PHF2: variants seen among roughly 807,000 people sequenced by gnomAD.
PHF2 encodes PHD finger protein 2, also known as lysine-specific demethylase PHF2.
Under a neutral mutation model 120.5 loss-of-function variants are expected in PHF2, and 27 were observed. The ratio of observed to expected loss-of-function variants is 0.22; its 90% CI spans 0.17 to 0.31. The LOEUF (loss-of-function observed/expected upper bound fraction) is 0.31, where lower values mean the gene tolerates loss of function less well. PHF2 is among the 10% of genes least tolerant of loss of function. The pLI is 1.00. For synonymous variants in PHF2, 568 were observed against 592.5 expected, an observed-to-expected ratio of 0.96 and a Z score of 0.60; for missense variants, 1,024 against 1,434.8, an observed-to-expected ratio of 0.71 and a Z score of 4.63.
intron 1 of PHF2, among the ~76,000 whole-genome samples, chr9:93,610,403 A>G (rs1332536518): frequency 1.3e-5 from 2 of 152,124 alleles, no homozygotes; most frequent in African/African-American, 2.4e-5. Context: ...CTTCAGAGGC[A>G]TTCTTCAGTT....
intron 1 of PHF2, among the ~76,000 whole-genome samples, chr9:93,577,145 G>T (rs966958335): frequency 7.4e-5 from 11 of 149,656 alleles, no homozygotes; most frequent in Non-Finnish European, 1.3e-4. Flanking sequence ...TGGGCTCGGG[G>T]CTCGGGGCGC....
chr9:93,603,008 G>A (rs1176360020), intron 1 of PHF2, among the ~76,000 whole-genome samples: 2 of 152,104 alleles, frequency 1.3e-5, no homozygotes, highest in Non-Finnish European at 1.5e-5. Flanking sequence ...TGAGTTGCTT[G>A]GACTGGGAGG....
chr9:93,615,053 C>T (rs376769795), intron 1 of PHF2, among the ~76,000 whole-genome samples: 52 of 122,900 alleles, frequency 4.2e-4, no homozygotes, highest in East Asian at 2.2e-3. Context: ...ATGATGATGG[C>T]GATGATGGTG....
intron 1 of PHF2, among the ~76,000 whole-genome samples, chr9:93,590,126 C>T (rs1458710877): frequency 1.3e-5 from 2 of 152,194 alleles, no homozygotes; most frequent in East Asian, 3.8e-4. Context: ...TTAAAATCGT[C>T]AGATTGGTTG....
At chr9:93,625,577 A>G in intron 1 of PHF2, among the ~76,000 whole-genome samples, 1 of 145,400 alleles carries the variant, frequency 6.9e-6, no homozygotes, top group South Asian at 2.1e-4. Flanking sequence ...TCCTGGGTTC[A>G]AGTGATTCTC....
chr9:93,629,919 C>T, intron 1 of PHF2, 51 bp from the exon 2 acceptor site: 1 of 1,560,950 alleles, frequency 6.4e-7, no homozygotes, highest in Non-Finnish European at 8.8e-7. Flanking sequence ...ATGGAAAGTG[C>T]TTGAGGGGGT....
chr9:93,656,064 G>T lies in PHF2; in HGVS notation c.1040+43G>T. On this transcript the variant is annotated intron_variant, in intron 8 of 21. Coordinates refer to ENST00000359246, the MANE Select transcript of PHF2 (RefSeq NM_005392.4). This position sits in a 1 kb window ranked among gnomAD's most constrained non-coding sequence, Gnocchi z 4.1. ...GTCTGCCCTCGGGCTCCGCAGAGCA[G>T]CGTCCTCCCTCTAGCTGGGTCGGTG... 1 of 1,534,796 alleles carries T rather than the reference G, an allele frequency of 6.5e-7. No homozygotes were observed. Among genetic ancestry groups the T allele is most frequent in the East Asian group, 2.3e-5 (1 of 42,938 alleles).
intron 10 of PHF2, among the ~76,000 whole-genome samples, 195 bp from the exon 11 acceptor site, chr9:93,659,316 G>T (rs542760235): frequency 6.6e-6 from 1 of 152,338 alleles, no homozygotes; most frequent in East Asian, 1.9e-4. Flanking sequence ...TGTCCTCTCT[G>T]GTACTTGGTT....
In PHF2 at chr9:93,678,019, G is replaced by A. The variant is rs1377128379; in HGVS notation, c.*343G>A. On this transcript the variant is annotated 3_prime_UTR_variant, in exon 22 of 22. Coordinates refer to ENST00000359246, the MANE Select transcript of PHF2 (RefSeq NM_005392.4). The stretch of plus-strand genomic sequence containing the variant: ...CTCTGCAGCTCTGCTGAGAGCATGA[G>A]TCCTTCAAGGAAGACAGAGTGAGCC... 4.3e-6 allele frequency: 1 copy of A among 233,712 alleles called. No homozygotes were observed. Among genetic ancestry groups the A allele is most frequent in the Non-Finnish European group, 8.3e-6 (1 of 120,026 alleles). The allele number at this position is 233,712 out of a possible 1,614,324, so 14.5% of individuals were successfully genotyped here. A position where few individuals can be genotyped will look rare whatever the true frequency, so the allele number is the denominator to read the frequency against.
At chr9:93,586,794 C>T (rs995317626) in intron 1 of PHF2, among the ~76,000 whole-genome samples, 2 of 152,204 alleles carry the variant, frequency 1.3e-5, no homozygotes, top group Non-Finnish European at 2.9e-5. Flanking sequence ...CTGTTCTAGG[C>T]ACGGGCAGCA....
rs746590796 is a variant in PHF2 at position 93,653,383 on chromosome 9, G to T, written c.789+18G>T. Reference sequence around the variant, plus strand: ...TGCTCAAGGTGAGCCACGCCCCTCGGGGCACCTCTGCCTTGCCATGGCCAT... The same window carrying T: ...TGCTCAAGGTGAGCCACGCCCCTCGTGGCACCTCTGCCTTGCCATGGCCAT... On this transcript the variant is annotated intron_variant, in intron 6 of 21. Transcript: ENST00000359246. The T allele has an allele frequency of 1.2e-6, 2 of 1,611,084 alleles. No homozygotes were observed. The highest frequency in any genetic ancestry group is 1.7e-6 in the Non-Finnish European group (2 of 1,178,796).
intron 1 of PHF2, among the ~76,000 whole-genome samples, chr9:93,598,916 G>A (rs1270288421): frequency 6.6e-6 from 1 of 152,126 alleles, no homozygotes; most frequent in Non-Finnish European, 1.5e-5. Context: ...ACACCGTTAT[G>A]GGCTTCCCAC....
At chr9:93,671,224 A>T (rs1043078960) in intron 17 of PHF2, 2 of 966,582 alleles carry the variant, frequency 2.1e-6, no homozygotes, top group African/African-American at 1.8e-5. Flanking sequence ...GTGTAGTTGC[A>T]GGTGTGTGGG....
Position 93,663,510 on chromosome 9 carries a change from T to C in PHF2, c.1819-7T>C. ...GGCTCAGGGACGGCCCTGGTCTTGC[T>C]TTTCAGAACAGCAAACCTGACTCCT... On this transcript the variant is annotated splice_region_variant and splice_polypyrimidine_tract_variant and intron_variant, in intron 13 of 21. Transcript: ENST00000359246. 6.3e-7 allele frequency: 1 copy of C among 1,597,112 alleles called. No homozygotes were observed. The highest frequency in any genetic ancestry group is 1.1e-5 in the South Asian group (1 of 90,178).
Position 93,656,465 on chromosome 9 carries a change from G to C in PHF2, c.1041-24G>C. 6.5e-7 allele frequency: 1 copy of C among 1,541,974 alleles called. No individual in the cohort carries two copies. The highest frequency in any genetic ancestry group is 1.1e-5 in the South Asian group (1 of 89,722). On this transcript the variant is annotated intron_variant, in intron 8 of 21. Coordinates refer to ENST00000359246, the MANE Select transcript of PHF2 (RefSeq NM_005392.4). The surrounding 1 kb of genome is among the most constrained non-coding windows in gnomAD (Gnocchi z 4.1). ...GCCTGCTTGATGGTCAGTGCACTGAGAACTGCTCTTTGGTGGCTTCTAGAG... is the reference window on the plus strand; with the variant it reads ...GCCTGCTTGATGGTCAGTGCACTGACAACTGCTCTTTGGTGGCTTCTAGAG...
chr9:93,631,592 CT>C (rs1826003042), intron 2 of PHF2, among the ~76,000 whole-genome samples: 1 of 152,244 alleles, frequency 6.6e-6, no homozygotes, highest in South Asian at 2.1e-4. Context: ...CATCCTCATG[CT>C]TCTGGCACCT....
intron 4 of PHF2, among the ~76,000 whole-genome samples, 175 bp from the exon 5 acceptor site, chr9:93,648,896 G>A (rs944598582): frequency 2.0e-5 from 3 of 152,018 alleles, no homozygotes; most frequent in Non-Finnish European, 4.4e-5. Context: ...TGAGCCAGGG[G>A]AAAAGCAGGC....
At chr9:93,602,174 T>C (rs10821176) in intron 1 of PHF2, among the ~76,000 whole-genome samples, 56,488 of 151,090 alleles carry the variant, frequency 0.37, 10,906 homozygotes, top group Non-Finnish European at 0.4. Flanking sequence ...CAAAAGTATG[T>C]AAATTCTTCG....
At chr9:93,673,899 C>G (rs760036413) in intron 18 of PHF2, 37 bp downstream of exon 18, 2 of 1,537,798 alleles carry the variant, frequency 1.3e-6, no homozygotes, top group Non-Finnish European at 1.8e-6. Context: ...GGCCCATGCT[C>G]AGCCCTAGAA....
Sources: allele counts gnomAD v4.1 joint callset (sites outside exome capture counted in the v4.1 genomes callset), GRCh38; gene constraint gnomAD v4.1.1; non-coding constraint Gnocchi (gnomAD v3.1); transcripts MANE v1.5; gene names NCBI Gene and HGNC (gene_info 2026-07-23, HGNC 2026-07-21).